The following NOL10 variants were observed in gnomAD, a reference collection of about 807,000 sequenced individuals.
The protein encoded by NOL10 is H_NH0074G24.1.
In NOL10, 58 loss-of-function variants were observed where a neutral mutation model predicts 103.5. The observed-to-expected ratio is 0.56, with a 90% CI of 0.45 to 0.70. The LOEUF (loss-of-function observed/expected upper bound fraction) is 0.70, where lower values mean the gene tolerates loss of function less well. NOL10 is among the 30% of genes least tolerant of loss of function. NOL10 has a pLI of 0.00. For synonymous variants in NOL10, 287 were observed against 282.5 expected (o/e 1.02, Z -0.16); for missense variants, 763 against 807.3 (o/e 0.95, Z 0.67).
At chr2:10,578,670 TTTATTATAAAC>T (rs1674597214) in intron 19 of NOL10, among the ~76,000 whole-genome samples, 1 of 152,194 alleles carries the variant, frequency 6.6e-6, no homozygotes, top group African/African-American at 2.4e-5. Flanking sequence ...GTTATAATGT[TTTATTATAAAC>T]TAGAACACTG....
intron 14 of NOL10, among the ~76,000 whole-genome samples, chr2:10,604,520 A>G (rs1463177599): frequency 5.3e-5 from 8 of 152,222 alleles, no homozygotes; most frequent in Non-Finnish European, 2.9e-5. Context: ...TTCACAATGG[A>G]GTCCTAACAA....
At chr2:10,612,487 TTATC>T (rs1330585986) in intron 13 of NOL10, among the ~76,000 whole-genome samples, 1 of 149,788 alleles carries the variant, frequency 6.7e-6, no homozygotes, top group Non-Finnish European at 1.5e-5. Context: ...AAATTTGAAA[TTATC>T]TTTTTTTAGA....
chr2:10,669,525 C>CATATAT (rs1231912911), intron 6 of NOL10, among the ~76,000 whole-genome samples: 6 of 150,350 alleles, frequency 4.0e-5, no homozygotes, highest in African/African-American at 1.5e-4. Flanking sequence ...CACACACACA[C>CATATAT]ACACACACAC....
intron 2 of NOL10, among the ~76,000 whole-genome samples, chr2:10,683,442 T>C (rs2148366772): frequency 6.6e-6 from 1 of 152,296 alleles, no homozygotes; most frequent in Middle Eastern, 3.4e-3. Flanking sequence ...TCTCAAACAC[T>C]GATAAATGGA....
chr2:10,676,626 T>C (rs1049207567), intron 3 of NOL10, among the ~76,000 whole-genome samples: 12 of 150,420 alleles, frequency 8.0e-5, no homozygotes, highest in Non-Finnish European at 7.4e-5. Context: ...AATGGTAACT[T>C]TGGCACTTTG....
chr2:10,623,538 C>T (rs1249900498), intron 13 of NOL10, among the ~76,000 whole-genome samples: 2 of 152,214 alleles, frequency 1.3e-5, no homozygotes, highest in Non-Finnish European at 2.9e-5. Flanking sequence ...ATCACCTGTA[C>T]TATCTGTTCC....
chr2:10,577,570 C>T, intron 20 of NOL10, 66 bp downstream of exon 20: 1 of 1,156,928 alleles, frequency 8.6e-7, no homozygotes, highest in Non-Finnish European at 1.3e-6. Flanking sequence ...AGGACACACA[C>T]ACAAACACTA....
At chr2:10,584,691 A>G (rs1674931893) in intron 19 of NOL10, among the ~76,000 whole-genome samples, 1 of 152,164 alleles carries the variant, frequency 6.6e-6, no homozygotes. Flanking sequence ...TCACTTATAT[A>G]GTTCTCAAAA....
chr2:10,662,252 CTAT>C (rs1680259876), intron 9 of NOL10, among the ~76,000 whole-genome samples: 1 of 83,982 alleles, frequency 1.2e-5, no homozygotes, highest in Non-Finnish European at 3.2e-5. Flanking sequence ...ATAGAAAGCA[CTAT>C]CTGTCAGCTA....
intron 3 of NOL10, among the ~76,000 whole-genome samples, chr2:10,679,194 T>C (rs1308510222): frequency 6.6e-6 from 1 of 151,990 alleles, no homozygotes; most frequent in Non-Finnish European, 1.5e-5. Flanking sequence ...ACCCCATCTC[T>C]ACTAAAAATA....
chr2:10,626,671 C>T (rs1348354047), intron 13 of NOL10, among the ~76,000 whole-genome samples: 4 of 152,046 alleles, frequency 2.6e-5, no homozygotes, highest in Non-Finnish European at 4.4e-5. Flanking sequence ...ACGAGATCGA[C>T]TTGGTAAGCA....
At chr2:10,585,296 A>C (rs1207443605) in intron 19 of NOL10, among the ~76,000 whole-genome samples, 1 of 152,206 alleles carries the variant, frequency 6.6e-6, no homozygotes, top group Non-Finnish European at 1.5e-5. Flanking sequence ...CCAGTAAAAC[A>C]CCTACACATA....
At chr2:10,634,310 G>A (rs1165533741) in intron 13 of NOL10, among the ~76,000 whole-genome samples, 2 of 152,182 alleles carry the variant, frequency 1.3e-5, no homozygotes, top group African/African-American at 4.8e-5. Flanking sequence ...AACAGCTGAT[G>A]GACTGGATGA....
chr2:10,647,237 C>G (rs1329444494), intron 12 of NOL10, among the ~76,000 whole-genome samples: 2 of 152,254 alleles, frequency 1.3e-5, no homozygotes, highest in East Asian at 1.9e-4. Context: ...ATAGTGCCCT[C>G]CCCAGAAACA....
chr2:10,659,897 A>C (rs1680081423), intron 9 of NOL10, among the ~76,000 whole-genome samples: 1 of 152,166 alleles, frequency 6.6e-6, no homozygotes, highest in African/African-American at 2.4e-5. Flanking sequence ...AGTTCAGCTA[A>C]AATAAAAGAC....
intron 8 of NOL10, among the ~76,000 whole-genome samples, chr2:10,667,009 G>A (rs1339124649): frequency 6.6e-6 from 1 of 152,110 alleles, no homozygotes; most frequent in Non-Finnish European, 1.5e-5. Flanking sequence ...TGGTAAGTGT[G>A]AAGGACATTG....
intron 19 of NOL10, among the ~76,000 whole-genome samples, chr2:10,584,844 C>A (rs1233289482): frequency 2.0e-5 from 3 of 152,094 alleles, no homozygotes; most frequent in Admixed American, 1.3e-4. Flanking sequence ...TGTTTAACTG[C>A]AGTTTATTCA....
chr2:10,679,628 CTT>C (rs1425562066), intron 3 of NOL10, among the ~76,000 whole-genome samples: 5 of 96,694 alleles, frequency 5.2e-5, no homozygotes, highest in Non-Finnish European at 1.2e-4. Flanking sequence ...CTTTCTCTCT[CTT>C]TCTTTCTTTC....
intron 13 of NOL10, among the ~76,000 whole-genome samples, chr2:10,620,665 T>TGCATA (rs949437023): frequency 2.6e-5 from 4 of 152,224 alleles, no homozygotes; most frequent in African/African-American, 9.6e-5. Context: ...GTCTTAAGTA[T>TGCATA]GCATAGTTTC....
Sources: gnomAD v4.1 joint callset for allele counts (sites outside exome capture counted in the v4.1 genomes callset) on GRCh38, gnomAD v4.1.1 for gene constraint, MANE v1.5 for transcripts, NCBI Gene and HGNC (gene_info 2026-07-23, HGNC 2026-07-21) for gene names.